Variants in ANO1 observed in about 807,000 individuals in gnomAD.
The protein encoded by ANO1 is anoctamin 1, also known as anoctamin-1.
ANO1 carries 59 observed loss-of-function variants against 124.0 expected under a neutral mutation model. The observed-to-expected ratio is 0.48, with a 90% CI of 0.39 to 0.59. ANO1 has a LOEUF of 0.59. Among genes scored for constraint, ANO1 ranks in the 20% least tolerant of loss-of-function variants. The probability of loss-of-function intolerance (pLI) is 0.00; values close to 1 mark genes in which losing one functional copy is unlikely to be tolerated. For missense variants in ANO1, 1,059 were observed against 1,328.0 expected (o/e 0.80, Z 3.15); for synonymous variants, 529 against 532.0 (o/e 0.99, Z 0.08).
rs2048033268 is a variant in ANO1, at chr11:70,161,268, C to G, written c.1686C>G (p.Val562=). The change falls in exon 17 of 26, where the codon GTC becomes GTG. Residue 562 remains valine (V), a synonymous_variant. Coordinates refer to ENST00000355303, the MANE Select transcript of ANO1 (RefSeq NM_018043.7). The stretch of plus-strand genomic sequence containing the variant: ...CCTCCGTGCGGTCCAACATCCGGGT[C>G]ACAGTCACAGCCACCGCAGTCATCA... ...SSPSVRSNIR[V]TVTATAVIIN... The G allele has an allele frequency of 6.2e-7, 1 of 1,613,692 alleles. No homozygotes were observed. Among genetic ancestry groups the G allele is most frequent in the Non-Finnish European group, 8.5e-7 (1 of 1,179,612 alleles).
chr11:70,092,944 A>AG (rs1490968411), intron 2 of ANO1, among the ~76,000 whole-genome samples: 1 of 152,152 alleles, frequency 6.6e-6, no homozygotes, highest in Non-Finnish European at 1.5e-5. Flanking sequence ...AGGGCAGGAA[A>AG]GGGCAGGAAA....
At chr11:70,054,757 G>T (rs1337418940) in intron 1 of ANO1, among the ~76,000 whole-genome samples, 4 of 152,060 alleles carry the variant, frequency 2.6e-5, no homozygotes, top group Non-Finnish European at 5.9e-5. Context: ...TAAATTGTTG[G>T]TTTCTGTTCT....
intron 1 of ANO1, among the ~76,000 whole-genome samples, chr11:70,041,327 C>T (rs114173965): frequency 8.5e-5 from 13 of 152,254 alleles, no homozygotes; most frequent in African/African-American, 2.6e-4. Flanking sequence ...CCCCTCATAC[C>T]AATATTTACT....
chr11:70,021,929 C>T (rs1031816407), intron 1 of ANO1, among the ~76,000 whole-genome samples: 1 of 152,178 alleles, frequency 6.6e-6, no homozygotes, highest in African/African-American at 2.4e-5. Flanking sequence ...CTTGTTCCCC[C>T]AAAGACCAGA....
chr11:70,172,950 AC>A (rs1225148279), intron 22 of ANO1, among the ~76,000 whole-genome samples: 1 of 151,808 alleles, frequency 6.6e-6, no homozygotes, highest in Non-Finnish European at 1.5e-5. Context: ...CGTTGGAAAC[AC>A]CCTTCAGATC....
chr11:70,107,992 G>A (rs1224245103), intron 5 of ANO1, among the ~76,000 whole-genome samples: 1 of 152,212 alleles, frequency 6.6e-6, no homozygotes, highest in African/African-American at 2.4e-5. Context: ...CGAGGGGACC[G>A]TAAATCCACC....
At chr11:70,026,522 G>C (rs1856911496) in intron 1 of ANO1, among the ~76,000 whole-genome samples, 3 of 151,748 alleles carry the variant, frequency 2.0e-5, no homozygotes. Flanking sequence ...AGTGATGGTG[G>C]TGGTGATGAC....
intron 1 of ANO1, among the ~76,000 whole-genome samples, chr11:69,993,695 T>C (rs1388270092): frequency 3.3e-5 from 5 of 152,226 alleles, no homozygotes; most frequent in African/African-American, 1.2e-4. Flanking sequence ...CGCCCCTTCC[T>C]GTGCATTTTT....
At chr11:69,972,385 G>A in the ANO1 span, among the ~76,000 whole-genome samples, 8 of 151,984 alleles carry the variant, frequency 5.3e-5, no homozygotes, top group Non-Finnish European at 1.0e-4. Context: ...AAAGTCAGGA[G>A]TGCCACTGCA....
chr11:69,995,010 A>G (rs553164240), intron 1 of ANO1, among the ~76,000 whole-genome samples: 1 of 152,174 alleles, frequency 6.6e-6, no homozygotes, highest in South Asian at 2.1e-4. Flanking sequence ...AAATTCCCAC[A>G]TACTGCACAC....
chr11:70,105,760 T>C lies in ANO1; in HGVS notation c.719T>C (p.Phe240Ser), dbSNP rs956950140. 1.9e-6 allele frequency: 3 copies of C among 1,613,608 alleles called. No homozygotes were observed. Among genetic ancestry groups the C allele is most frequent in the Non-Finnish European group, 2.5e-6 (3 of 1,179,782 alleles). ...TTTGACTTGTCTGATAAGGATTCCT[T>C]TTTCGACAGCAAAACCCGGAGCACG... is the stretch of plus-strand genomic sequence containing the variant. ...HLFDLSDKDS[F>S]FDSKTRSTIV... The change falls in exon 5 of 26, where the codon TTT (phenylalanine) becomes TCT (serine). Residue 240 changes from phenylalanine to serine, a missense_variant. Phe to Ser is a radical substitution (Grantham distance 155). Transcript: ENST00000355303.
intron 2 of ANO1, 32 bp from the exon 3 acceptor site, chr11:70,103,034 C>G (rs1240092509): frequency 6.6e-7 from 1 of 1,517,092 alleles, no homozygotes; most frequent in African/African-American, 1.4e-5. Flanking sequence ...GCACCGCCCC[C>G]CCTCAACCCA....
At chr11:70,019,530 C>T (rs1216497786) in intron 1 of ANO1, among the ~76,000 whole-genome samples, 3 of 150,684 alleles carry the variant, frequency 2.0e-5, no homozygotes, top group East Asian at 2.0e-4. Flanking sequence ...CCAATTCACA[C>T]GGGCTCACCA....
chr11:69,993,909 C>T (rs1296171069), intron 1 of ANO1, among the ~76,000 whole-genome samples: 13 of 152,174 alleles, frequency 8.5e-5, no homozygotes, highest in African/African-American at 2.4e-4. Context: ...CACATATAGC[C>T]CCTCGGCCTG....
chr11:70,087,654 G>A (rs1284352944), intron 1 of ANO1, 98 bp from the exon 2 acceptor site: 3 of 1,204,340 alleles, frequency 2.5e-6, no homozygotes, highest in Non-Finnish European at 3.4e-6. Flanking sequence ...TGTTGAACGA[G>A]TGAGTGAGGA....
At chr11:69,969,373 TG>T in the ANO1 span, among the ~76,000 whole-genome samples, 1 of 152,130 alleles carries the variant, frequency 6.6e-6, no homozygotes, top group Admixed American at 6.5e-5. Context: ...GGGGCAAATC[TG>T]GGGAGTCTCT....
intron 10 of ANO1, among the ~76,000 whole-genome samples, chr11:70,131,010 C>T (rs1030487589): frequency 1.3e-5 from 2 of 152,220 alleles, no homozygotes; most frequent in South Asian, 2.1e-4. Flanking sequence ...GGGCCCTCAT[C>T]ATCTCACTGT....
chr11:70,156,994 C>T lies in ANO1; in HGVS notation c.1551C>T (p.Leu517=), dbSNP rs371135913. The stretch of plus-strand genomic sequence containing the variant: ...GGAGAGATCGGTTCCCAGCCTACCT[C>T]ACTAACTTGGTCTCCATCATCTTCA... ...LTWRDRFPAY[L]TNLVSIIFMI... Residue 517 remains leucine (L), a synonymous_variant, in exon 16 of 26, where the codon CTC becomes CTT. Transcript: ENST00000355303. 1 of 1,613,522 alleles carries T rather than the reference C, an allele frequency of 6.2e-7. No homozygotes were observed. The highest frequency in any genetic ancestry group is 1.3e-5 in the African/African-American group (1 of 74,894).
chr11:70,104,435 C>G (rs1259803248), intron 4 of ANO1, among the ~76,000 whole-genome samples: 2 of 152,174 alleles, frequency 1.3e-5, no homozygotes, highest in African/African-American at 4.8e-5. Context: ...GCCTTCCCAC[C>G]CGCTCCGCAC....
Sources: gnomAD v4.1 joint callset for allele counts (sites outside exome capture counted in the v4.1 genomes callset) on GRCh38, gnomAD v4.1.1 for gene constraint, MANE v1.5 for transcripts, NCBI Gene and HGNC (gene_info 2026-07-23, HGNC 2026-07-21) for gene names.